The following UST variants were observed in gnomAD, a reference collection of about 807,000 sequenced individuals.
The protein encoded by UST is chondroitin sulfate 2-O-sulfotransferase.
In UST, 21 loss-of-function variants were observed where a neutral mutation model predicts 45.6. The ratio of observed to expected loss-of-function variants is 0.46; its 90% CI spans 0.33 to 0.66. The LOEUF (loss-of-function observed/expected upper bound fraction) is 0.66. Among genes scored for constraint, UST ranks in the 30% least tolerant of loss-of-function variants. The pLI is 0.02. For missense variants in UST, 463 were observed against 512.4 expected (o/e 0.90, Z 0.93); for synonymous variants, 215 against 200.6 (o/e 1.07, Z -0.61).
chr6:148,915,230 C>G (rs72994230), intron 2 of UST, among the ~76,000 whole-genome samples: 43,871 of 151,996 alleles, frequency 0.29, 6,593 homozygotes, highest in Non-Finnish European at 0.33. Flanking sequence ...ATAGAAAAGA[C>G]AAAATTAAAG....
At chr6:149,021,698 G>C (rs541613449) in intron 7 of UST, among the ~76,000 whole-genome samples, 93 of 152,270 alleles carry the variant, frequency 6.1e-4, no homozygotes, top group African/African-American at 2.2e-3. Context: ...TGTTCCAAAG[G>C]CTTAATGGCT....
chr6:149,023,004 T>G (rs934417488), intron 7 of UST, among the ~76,000 whole-genome samples: 4 of 152,178 alleles, frequency 2.6e-5, no homozygotes, highest in Admixed American at 1.3e-4. Context: ...TAAACTCCGT[T>G]CTTTGTGCAA....
intron 1 of UST, among the ~76,000 whole-genome samples, chr6:148,884,891 C>G (rs1395051597): frequency 6.6e-6 from 1 of 152,094 alleles, no homozygotes; most frequent in Non-Finnish European, 1.5e-5. Context: ...AAACATGGAT[C>G]AAGAATGACT....
At chr6:149,006,503 G>A (rs1775697919) in intron 5 of UST, among the ~76,000 whole-genome samples, 1 of 152,114 alleles carries the variant, frequency 6.6e-6, no homozygotes, top group East Asian at 1.9e-4. Context: ...TCACCAATGG[G>A]CATTTGGGCT....
intron 1 of UST, among the ~76,000 whole-genome samples, chr6:148,776,090 A>G (rs1020619452): frequency 9.9e-5 from 15 of 152,166 alleles, no homozygotes; most frequent in Admixed American, 9.2e-4. Flanking sequence ...ATTCCAGAGA[A>G]TTGTCCTTAT....
intron 1 of UST, among the ~76,000 whole-genome samples, chr6:148,806,944 A>G (rs1582824060): frequency 6.6e-6 from 1 of 152,166 alleles, no homozygotes; most frequent in East Asian, 1.9e-4. Context: ...TGACCTGGTC[A>G]CCTCTTAAAG....
chr6:148,829,112 A>G (rs1441815181), intron 1 of UST, among the ~76,000 whole-genome samples: 1 of 152,030 alleles, frequency 6.6e-6, no homozygotes, highest in Non-Finnish European at 1.5e-5. Context: ...GTACCCAGGG[A>G]CAAAGTGGAC....
chr6:149,059,723 C>T (rs1256683965), intron 7 of UST, among the ~76,000 whole-genome samples: 1 of 152,122 alleles, frequency 6.6e-6, no homozygotes, highest in African/African-American at 2.4e-5. Flanking sequence ...TAACTAACTA[C>T]CACCACCGCC....
At chr6:148,913,309 C>A (rs1779512369) in intron 2 of UST, among the ~76,000 whole-genome samples, 1 of 151,608 alleles carries the variant, frequency 6.6e-6, no homozygotes, top group East Asian at 1.9e-4. Flanking sequence ...TGAAGAATGC[C>A]TTTATTTTAG....
chr6:148,954,625 C>T (rs1332966194), intron 4 of UST, among the ~76,000 whole-genome samples: 2 of 152,134 alleles, frequency 1.3e-5, no homozygotes, highest in South Asian at 4.2e-4. Context: ...GCCGTGCCAT[C>T]GAGGTTTGTG....
chr6:148,830,037 C>T (rs1340690673), intron 1 of UST, among the ~76,000 whole-genome samples: 2 of 152,198 alleles, frequency 1.3e-5, no homozygotes, highest in Non-Finnish European at 2.9e-5. Flanking sequence ...CCTACAACTC[C>T]TGAAGCCTCT....
intron 5 of UST, among the ~76,000 whole-genome samples, chr6:148,992,101 A>G (rs984325877): frequency 1.3e-5 from 2 of 152,228 alleles, no homozygotes; most frequent in Non-Finnish European, 2.9e-5. Flanking sequence ...CCACCTGTTT[A>G]TGATCATAGC....
At chr6:148,869,770 G>A (rs774572795) in intron 1 of UST, among the ~76,000 whole-genome samples, 3 of 152,116 alleles carry the variant, frequency 2.0e-5, no homozygotes, top group Admixed American at 6.5e-5. Context: ...CTTCTTACCC[G>A]TTTCCCTAAA....
intron 1 of UST, among the ~76,000 whole-genome samples, chr6:148,828,293 G>A (rs2114754596): frequency 6.6e-6 from 1 of 151,526 alleles, no homozygotes; most frequent in East Asian, 1.9e-4. Flanking sequence ...TCTTTCACTG[G>A]TTTTTATTTT....
intron 3 of UST, among the ~76,000 whole-genome samples, chr6:148,946,635 C>A (rs1158389679): frequency 1.3e-5 from 2 of 149,576 alleles, no homozygotes; most frequent in African/African-American, 4.9e-5. Context: ...CATGGTGAAA[C>A]CCTGTCTCTA....
chr6:148,854,061 C>T (rs1175840228), intron 1 of UST, among the ~76,000 whole-genome samples: 1 of 152,142 alleles, frequency 6.6e-6, no homozygotes, highest in Non-Finnish European at 1.5e-5. Flanking sequence ...GGGTAGTTGA[C>T]AGAAAAACAA....
At chr6:148,817,009 C>T (rs545515959) in intron 1 of UST, among the ~76,000 whole-genome samples, 9 of 152,296 alleles carry the variant, frequency 5.9e-5, no homozygotes, top group South Asian at 2.1e-4. Flanking sequence ...TCCAGATTCC[C>T]GGGCCCCACT....
chr6:148,922,367 C>CT (rs11375500), intron 2 of UST, among the ~76,000 whole-genome samples: 102,483 of 152,040 alleles, frequency 0.67, 35,151 homozygotes, highest in East Asian at 0.8. Flanking sequence ...AATATGTGGC[C>CT]TTTATGTCTG....
intron 1 of UST, among the ~76,000 whole-genome samples, chr6:148,764,051 A>G (rs1388647330): frequency 6.6e-6 from 1 of 152,212 alleles, no homozygotes; most frequent in Non-Finnish European, 1.5e-5. Context: ...GTAATTTGAT[A>G]GGAATTGCAT....
Sources: allele counts gnomAD v4.1 joint callset (sites outside exome capture counted in the v4.1 genomes callset), GRCh38; gene constraint gnomAD v4.1.1; transcripts MANE v1.5; gene names NCBI Gene and HGNC (gene_info 2026-07-23, HGNC 2026-07-21).